Variants in RIMS2 observed in about 807,000 individuals in gnomAD.
The protein encoded by RIMS2 is regulating synaptic membrane exocytosis 2, also known as regulating synaptic membrane exocytosis protein 2.
Under a neutral mutation model 174.4 loss-of-function variants are expected in RIMS2, and 59 were observed. That is an observed-to-expected ratio of 0.34 (90% CI 0.27 to 0.42). RIMS2 has a LOEUF of 0.42. Ranked by LOEUF, RIMS2 falls within the 10% of genes least tolerant of loss-of-function variation. RIMS2 has a pLI of 1.00. For synonymous variants in RIMS2, 606 were observed against 572.5 expected, an observed-to-expected ratio of 1.06 and a Z score of -0.84; for missense variants, 1,620 against 1,666.3, an observed-to-expected ratio of 0.97 and a Z score of 0.48.
At chr8:104,062,353 G>A (rs956981587) in intron 19 of RIMS2, among the ~76,000 whole-genome samples, 9 of 152,094 alleles carry the variant, frequency 5.9e-5, no homozygotes, top group African/African-American at 7.2e-5. Flanking sequence ...GCGGTGAGCC[G>A]AGATTGCACC....
At chr8:103,939,844 C>T (rs1565429776) in intron 13 of RIMS2, among the ~76,000 whole-genome samples, 1 of 152,164 alleles carries the variant, frequency 6.6e-6, no homozygotes, top group African/African-American at 2.4e-5. Flanking sequence ...GGTAAAGTGC[C>T]ACCAGTCTCT....
chr8:103,736,399 A>G (rs1379415015), intron 2 of RIMS2, among the ~76,000 whole-genome samples: 1 of 152,216 alleles, frequency 6.6e-6, no homozygotes, highest in East Asian at 1.9e-4. Flanking sequence ...TGCCACTTGT[A>G]TGAACAGACC....
chr8:104,212,195 A>G (rs1048092844), intron 19 of RIMS2, among the ~76,000 whole-genome samples: 1 of 152,206 alleles, frequency 6.6e-6, no homozygotes, highest in African/African-American at 2.4e-5. Context: ...TAAGCTAGAT[A>G]ATTACATTTG....
At chr8:103,982,066 G>A (rs1223824193) in intron 16 of RIMS2, among the ~76,000 whole-genome samples, 1 of 151,884 alleles carries the variant, frequency 6.6e-6, no homozygotes, top group African/African-American at 2.4e-5. Context: ...GGATGAATAA[G>A]GACACATTAC....
chr8:104,150,192 A>C (rs903164699), intron 19 of RIMS2, among the ~76,000 whole-genome samples: 5 of 152,170 alleles, frequency 3.3e-5, no homozygotes, highest in Non-Finnish European at 1.5e-5. Flanking sequence ...AACTTCTCTA[A>C]AAAATAAAGT....
At chr8:104,184,846 C>T (rs144862778) in intron 19 of RIMS2, among the ~76,000 whole-genome samples, 2 of 151,510 alleles carry the variant, frequency 1.3e-5, no homozygotes, top group Non-Finnish European at 3.0e-5. Context: ...TTAAAAAGTA[C>T]TGTGTTTAGG....
At chr8:103,835,109 T>C (rs2098868294) in intron 3 of RIMS2, among the ~76,000 whole-genome samples, 1 of 148,706 alleles carries the variant, frequency 6.7e-6, no homozygotes, top group South Asian at 2.1e-4. Flanking sequence ...TTTTCTTTTT[T>C]TTTTTTTTTT....
chr8:104,172,147 C>A (rs1401760275), intron 19 of RIMS2, among the ~76,000 whole-genome samples: 1 of 152,134 alleles, frequency 6.6e-6, no homozygotes, highest in Admixed American at 6.5e-5. Flanking sequence ...GGAGATATCC[C>A]TTAGGTAGGC....
chr8:103,728,819 T>C (rs1442438718), intron 2 of RIMS2, among the ~76,000 whole-genome samples: 3 of 151,038 alleles, frequency 2.0e-5, no homozygotes, highest in African/African-American at 4.9e-5. Context: ...TTTATTATTA[T>C]CAATTGAAAT....
At chr8:104,016,280 G>A (rs889110537) in intron 19 of RIMS2, among the ~76,000 whole-genome samples, 6 of 151,956 alleles carry the variant, frequency 3.9e-5, no homozygotes, top group Admixed American at 1.3e-4. Context: ...AGTATACAAA[G>A]TACCACTAAA....
chr8:104,080,108 G>A (rs2097384970), intron 19 of RIMS2, among the ~76,000 whole-genome samples: 1 of 151,990 alleles, frequency 6.6e-6, no homozygotes, highest in South Asian at 2.1e-4. Flanking sequence ...GAGATAGAAT[G>A]AGAAGATTGG....
At chr8:103,815,384 T>C (rs949707187) in intron 3 of RIMS2, among the ~76,000 whole-genome samples, 3 of 152,214 alleles carry the variant, frequency 2.0e-5, no homozygotes, top group African/African-American at 7.2e-5. Context: ...TTGATTAGTT[T>C]TTTAGATATT....
In RIMS2 at chr8:103,983,245, A is replaced by G. The variant is rs148144333; in HGVS notation, c.2928-6060A>G. 2.6e-3 allele frequency among the ~76,000 whole-genome samples: 397 copies of G among 152,354 alleles called. 5 individuals are homozygous for G. The highest frequency in any genetic ancestry group is 8.9e-3 in the African/African-American group (371 of 41,578). ...AAAACATTGGCGCAAGAAATTGAAGATGGCACACACAAAAATAGAAAGATG... is the reference window on the plus strand; with the variant it reads ...AAAACATTGGCGCAAGAAATTGAAGGTGGCACACACAAAAATAGAAAGATG... On this transcript the variant is annotated intron_variant, in intron 16 of 23. Coordinates refer to ENST00000504942, the Ensembl canonical transcript of RIMS2.
At chr8:103,583,823 G>C in intron 1 of RIMS2, among the ~76,000 whole-genome samples, 1 of 152,228 alleles carries the variant, frequency 6.6e-6, no homozygotes, top group Non-Finnish European at 1.5e-5. Flanking sequence ...TGTCCTTAAA[G>C]AGGAGGTAGG....
chr8:103,595,141 A>G lies in RIMS2; in HGVS notation c.176+94079A>G, dbSNP rs576272130. 3.3e-5 allele frequency among the ~76,000 whole-genome samples: 5 copies of G among 151,976 alleles called. No individual in the cohort carries two copies. The South Asian group carries it at 8.3e-4, about 25-fold the overall frequency. The stretch of plus-strand genomic sequence containing the variant: ...ATATATGTAATTCTTATTGTGGAAA[A>G]TTACTACAATAATTTTTATTCTTTA... On this transcript the variant is annotated intron_variant, in intron 1 of 23. Coordinates refer to ENST00000504942, the Ensembl canonical transcript of RIMS2.
intron 2 of RIMS2, among the ~76,000 whole-genome samples, chr8:103,717,721 A>G (rs1201128311): frequency 6.6e-6 from 1 of 152,220 alleles, no homozygotes; most frequent in Non-Finnish European, 1.5e-5. Flanking sequence ...CTACAAGATA[A>G]AAGTATAATT....
At chr8:104,066,367 T>C (rs1193424230) in intron 19 of RIMS2, among the ~76,000 whole-genome samples, 3 of 148,820 alleles carry the variant, frequency 2.0e-5, no homozygotes, top group Non-Finnish European at 4.5e-5. Flanking sequence ...TACGTATATA[T>C]TTATCACTAC....
chr8:104,064,942 C>T (rs74729620), intron 19 of RIMS2, among the ~76,000 whole-genome samples: 2,798 of 152,066 alleles, frequency 0.018, 35 homozygotes, highest in Non-Finnish European at 0.03. Context: ...CCATATCAAA[C>T]CACTAAGAAG....
At chr8:103,922,949 G>T (rs945115085) in intron 10 of RIMS2, among the ~76,000 whole-genome samples, 3 of 151,834 alleles carry the variant, frequency 2.0e-5, no homozygotes, top group African/African-American at 7.2e-5. Flanking sequence ...ATGCTATTAG[G>T]AGATTGTAAA....
Sources: allele counts gnomAD v4.1 joint callset (sites outside exome capture counted in the v4.1 genomes callset), GRCh38; gene constraint gnomAD v4.1.1; transcripts MANE v1.5; gene names NCBI Gene and HGNC (gene_info 2026-07-23, HGNC 2026-07-21).